The following SNTG1 variants were observed in gnomAD, a reference collection of about 807,000 sequenced individuals.
SNTG1 encodes syntrophin gamma 1.
A neutral mutation model predicts 74.7 loss-of-function variants in SNTG1; 39 were observed. The ratio of observed to expected loss-of-function variants is 0.52; its 90% CI spans 0.40 to 0.68. The LOEUF (loss-of-function observed/expected upper bound fraction) is 0.68, where lower values mean the gene tolerates loss of function less well. Among genes scored for constraint, SNTG1 ranks in the 30% least tolerant of loss-of-function variants. SNTG1 has a pLI of 0.00. For missense variants in SNTG1, 685 were observed against 609.5 expected, an observed-to-expected ratio of 1.12 and a Z score of -1.30; for synonymous variants, 254 against 217.1, an observed-to-expected ratio of 1.17 and a Z score of -1.49.
chr8:50,086,052 C>T (rs1298613433), intron 1 of SNTG1, among the ~76,000 whole-genome samples: 2 of 152,100 alleles, frequency 1.3e-5, no homozygotes, highest in East Asian at 1.9e-4. Flanking sequence ...AAAAAAGGAT[C>T]GATTTGGGGT....
chr8:50,156,570 C>A (rs2082261925), intron 1 of SNTG1, among the ~76,000 whole-genome samples: 1 of 151,850 alleles, frequency 6.6e-6, no homozygotes, highest in Non-Finnish European at 1.5e-5. Context: ...TTACTGTATA[C>A]AGTTTAATAT....
intron 2 of SNTG1, among the ~76,000 whole-genome samples, chr8:50,291,571 G>A (rs1361586589): frequency 1.3e-5 from 2 of 152,110 alleles, no homozygotes; most frequent in African/African-American, 2.4e-5. Flanking sequence ...GCTAGATCGA[G>A]GAAGACTTTC....
rs1278612575 is a variant in SNTG1, at chr8:50,484,141, TTTCTTTCTTTCCTTCCTTCC to T, written c.364-18633_364-18614del. Among the ~76,000 whole-genome samples the T allele has an allele frequency of 3.3e-3, 303 of 92,856 alleles. 3 individuals are homozygous for T. The highest frequency in any genetic ancestry group is 0.011 in the African/African-American group (287 of 26,574). The allele number at this position is 92,856 out of a possible 152,430, so 60.9% of individuals were successfully genotyped here. On this transcript the variant is annotated intron_variant, in intron 8 of 18. Transcript: ENST00000642720. Reference sequence around the variant, plus strand: ...CTTTCTTTCTTTCTTTCTTTCCTTCTTTCTTTCTTTCCTTCCTTCCTTCCTTCCTTCCTTCCTTCCTTCCT... The same window carrying T: ...CTTTCTTTCTTTCTTTCTTTCCTTCTTTCCTTCCTTCCTTCCTTCCTTCCT...
intron 17 of SNTG1, among the ~76,000 whole-genome samples, chr8:50,716,257 A>G (rs1048520636): frequency 6.6e-6 from 1 of 152,010 alleles, no homozygotes; most frequent in Non-Finnish European, 1.5e-5. Context: ...TTCACATCAA[A>G]GACAGTTACT....
Position 50,213,191 on chromosome 8 carries a change from AT to A in SNTG1, c.-28+40557del, listed in dbSNP as rs536327889. The stretch of plus-strand genomic sequence containing the variant: ...TGCCAATAGATATTTCTAGAAGGAA[AT>A]AAATCATCATATATGTGTGGAGGTG... On this transcript the variant is annotated intron_variant, in intron 2 of 18. Transcript: ENST00000642720. Among the ~76,000 whole-genome samples, 21 of 152,330 alleles carry A rather than the reference AT, an allele frequency of 1.4e-4. No homozygotes were observed. The East Asian group carries it at 4.1e-3, about 29-fold the overall frequency.
chr8:50,444,993 C>G (rs2093393218), intron 5 of SNTG1, among the ~76,000 whole-genome samples: 3 of 152,120 alleles, frequency 2.0e-5, no homozygotes, highest in Non-Finnish European at 1.5e-5. Flanking sequence ...TCACGGCAGT[C>G]AATTTTAGAA....
chr8:50,782,890 G>A (rs2095663996), intron 18 of SNTG1, among the ~76,000 whole-genome samples: 1 of 152,056 alleles, frequency 6.6e-6, no homozygotes, highest in Non-Finnish European at 1.5e-5. Context: ...TGGGGTGGAT[G>A]TCCTTTCTGT....
At chr8:50,341,360 AC>A (rs2091312162) in intron 2 of SNTG1, among the ~76,000 whole-genome samples, 1 of 151,954 alleles carries the variant, frequency 6.6e-6, no homozygotes, top group Non-Finnish European at 1.5e-5. Flanking sequence ...CACAAATGGT[AC>A]TTTTTCCCCC....
chr8:50,180,199 A>G (rs1181904514), intron 2 of SNTG1, among the ~76,000 whole-genome samples: 1 of 152,210 alleles, frequency 6.6e-6, no homozygotes, highest in East Asian at 1.9e-4. Context: ...ATACTGTATT[A>G]TTTCACTTAT....
intron 2 of SNTG1, among the ~76,000 whole-genome samples, chr8:50,305,642 A>G (rs78090770): frequency 3.4e-4 from 52 of 151,550 alleles, no homozygotes; most frequent in African/African-American, 1.2e-3. Context: ...TTCACTATAT[A>G]TGTGTTAGAT....
chr8:50,074,691 G>A (rs1821672444), intron 1 of SNTG1, among the ~76,000 whole-genome samples: 1 of 152,150 alleles, frequency 6.6e-6, no homozygotes, highest in Non-Finnish European at 1.5e-5. Context: ...AAAATACTGA[G>A]AGGTGACCGT....
chr8:49,932,556 T>C (rs77503581), intron 1 of SNTG1, among the ~76,000 whole-genome samples: 15 of 151,822 alleles, frequency 9.9e-5, no homozygotes, highest in Admixed American at 1.3e-4. Flanking sequence ...AAAAAAAAAA[T>C]AGTCAGAACG....
intron 18 of SNTG1, among the ~76,000 whole-genome samples, chr8:50,768,573 G>T (rs966469892): frequency 1.3e-5 from 2 of 151,982 alleles, no homozygotes; most frequent in African/African-American, 4.8e-5. Flanking sequence ...CTCTCTTTCT[G>T]TCTTGTAAAT....
intron 17 of SNTG1, among the ~76,000 whole-genome samples, chr8:50,717,428 A>G (rs2095477707): frequency 6.6e-6 from 1 of 152,204 alleles, no homozygotes; most frequent in Admixed American, 6.5e-5. Flanking sequence ...GGAATGATAT[A>G]ACTTTGCTTT....
At chr8:50,546,148 T>C (rs2094386102) in intron 11 of SNTG1, among the ~76,000 whole-genome samples, 2 of 152,200 alleles carry the variant, frequency 1.3e-5, no homozygotes, top group South Asian at 2.1e-4. Context: ...TTGTATCAAC[T>C]ACAGAAAATA....
rs180779497 is a variant in SNTG1, at chr8:50,072,377, G to A, written c.-102-100184G>A. Among the ~76,000 whole-genome samples the A allele has an allele frequency of 7.2e-5, 11 of 152,154 alleles. No homozygotes were observed. In the East Asian group the frequency reaches 2.1e-3, roughly 29 times the overall value. On this transcript the variant is annotated intron_variant, in intron 1 of 18. Transcript: ENST00000642720. Reference sequence around the variant, plus strand: ...AGAGTGGTTCTATTCCATTTTACACGTTATAAAATTGAATATGAGTTATTC... The same window carrying A: ...AGAGTGGTTCTATTCCATTTTACACATTATAAAATTGAATATGAGTTATTC...
intron 2 of SNTG1, among the ~76,000 whole-genome samples, chr8:50,347,764 T>G (rs1178274724): frequency 6.6e-6 from 1 of 152,228 alleles, no homozygotes; most frequent in Non-Finnish European, 1.5e-5. Flanking sequence ...ATTCATTCAT[T>G]GCAAGAAAGT....
chr8:49,995,520 T>G (rs1274719161), intron 1 of SNTG1, among the ~76,000 whole-genome samples: 1 of 152,190 alleles, frequency 6.6e-6, no homozygotes, highest in Non-Finnish European at 1.5e-5. Context: ...GATGTGTGCA[T>G]TTGTTTAATT....
chr8:50,622,131 T>C (rs920131906), intron 13 of SNTG1, among the ~76,000 whole-genome samples: 4 of 152,166 alleles, frequency 2.6e-5, no homozygotes, highest in Non-Finnish European at 5.9e-5. Flanking sequence ...GCTTACCCTA[T>C]TAGCAACTAC....
Sources: allele counts gnomAD v4.1 joint callset (sites outside exome capture counted in the v4.1 genomes callset), GRCh38; gene constraint gnomAD v4.1.1; transcripts MANE v1.5; gene names NCBI Gene and HGNC (gene_info 2026-07-23, HGNC 2026-07-21).